The following CLCN3 variants were observed in gnomAD, a reference collection of about 807,000 sequenced individuals.
The protein encoded by CLCN3 is H(+)/Cl(-) exchange transporter 3.
Under a neutral mutation model 83.4 loss-of-function variants are expected in CLCN3, and 16 were observed. The ratio of observed to expected loss-of-function variants is 0.19; its 90% confidence interval spans 0.13 to 0.29. CLCN3 has a LOEUF of 0.29. Among genes scored for constraint, CLCN3 ranks in the 10% least tolerant of loss-of-function variants. The pLI is 1.00. For synonymous variants in CLCN3, 322 were observed against 346.2 expected, an observed-to-expected ratio of 0.93 and a Z score of 0.78; for missense variants, 544 against 1,006.0, an observed-to-expected ratio of 0.54 and a Z score of 6.21.
intron 3 of CLCN3, among the ~76,000 whole-genome samples, chr4:169,680,903 T>G (rs1422936475): frequency 2.0e-5 from 3 of 152,184 alleles, no homozygotes; most frequent in African/African-American, 7.2e-5. Flanking sequence ...TGCTGGAGTA[T>G]AGTGGTGTGA....
chr4:169,639,177 A>G (rs919758878), intron 2 of CLCN3, among the ~76,000 whole-genome samples: 9 of 152,244 alleles, frequency 5.9e-5, no homozygotes, highest in African/African-American at 2.2e-4. Context: ...CCACAGTTGC[A>G]CACCACTAGA....
intron 12 of CLCN3, among the ~76,000 whole-genome samples, chr4:169,718,713 C>G (rs1366635540): frequency 6.6e-6 from 1 of 152,188 alleles, no homozygotes. Context: ...TGTATGAAAC[C>G]TGTCCCAGTT....
chr4:169,674,641 CT>C (rs1731607567), intron 2 of CLCN3, among the ~76,000 whole-genome samples: 1 of 152,102 alleles, frequency 6.6e-6, no homozygotes, highest in Non-Finnish European at 1.5e-5. Flanking sequence ...GCCTTTAAAC[CT>C]TTGGCCAAGA....
chr4:169,713,032 A>G, intron 11 of CLCN3, 47 bp from the exon 12 acceptor site: 1 of 1,432,792 alleles, frequency 7.0e-7, no homozygotes. Flanking sequence ...TTGCCTACTT[A>G]AAAATCTATC....
chr4:169,665,476 C>G (rs2150223799), intron 2 of CLCN3, among the ~76,000 whole-genome samples: 1 of 152,202 alleles, frequency 6.6e-6, no homozygotes, highest in South Asian at 2.1e-4. Context: ...ACTATTCTTG[C>G]CATTACCTTT....
chr4:169,678,173 A>C (rs1379554395), intron 2 of CLCN3, among the ~76,000 whole-genome samples: 1 of 152,166 alleles, frequency 6.6e-6, no homozygotes. Flanking sequence ...AAAAATTACT[A>C]TTTTCAATTT....
At chr4:169,654,822 G>A (rs1201666571) in intron 2 of CLCN3, among the ~76,000 whole-genome samples, 1 of 152,134 alleles carries the variant, frequency 6.6e-6, no homozygotes, top group Non-Finnish European at 1.5e-5. Flanking sequence ...AATACATAAT[G>A]TGAAGTTTTC....
intron 3 of CLCN3, among the ~76,000 whole-genome samples, chr4:169,687,253 A>G (rs1732197192): frequency 6.6e-6 from 1 of 151,900 alleles, no homozygotes; most frequent in Admixed American, 6.6e-5. Context: ...TAGTTTGTGG[A>G]CCCTTTGCAC....
rs552991086 is a variant in CLCN3 at position 169,650,627 on chromosome 4, G to A, written c.160+14539G>A. On this transcript the variant is annotated intron_variant, in intron 2 of 12. Coordinates refer to ENST00000513761, the MANE Select transcript of CLCN3 (RefSeq NM_001829.4). ...TAACATATCACTGCTACCATTTAATGTCTGTCTGTTGGGAAAAGGTCAGAG... is the reference window on the plus strand; with the variant it reads ...TAACATATCACTGCTACCATTTAATATCTGTCTGTTGGGAAAAGGTCAGAG... Among the ~76,000 whole-genome samples the A allele has an allele frequency of 1.1e-4, 16 of 152,294 alleles. 1 individual carries two copies. The highest frequency in any genetic ancestry group is 3.9e-4 in the East Asian group (2 of 5,192).
intron 2 of CLCN3, among the ~76,000 whole-genome samples, chr4:169,666,127 T>G (rs1029811064): frequency 2.0e-5 from 3 of 152,154 alleles, no homozygotes; most frequent in African/African-American, 7.2e-5. Context: ...TTTAACATGT[T>G]GATCATGAAA....
chr4:169,646,074 T>A (rs576840976), intron 2 of CLCN3, among the ~76,000 whole-genome samples: 2 of 152,336 alleles, frequency 1.3e-5, no homozygotes, highest in African/African-American at 4.8e-5. Flanking sequence ...TTCTTATTTT[T>A]TTCTATTTCC....
chr4:169,630,874 G>A (rs1773352458), intron 1 of CLCN3, among the ~76,000 whole-genome samples: 2 of 152,182 alleles, frequency 1.3e-5, no homozygotes, highest in Non-Finnish European at 2.9e-5. Flanking sequence ...GAGCACCTAG[G>A]TTGATTCTGT....
intron 12 of CLCN3, among the ~76,000 whole-genome samples, chr4:169,714,385 T>G (rs1181215773): frequency 6.6e-6 from 1 of 152,084 alleles, no homozygotes; most frequent in Non-Finnish European, 1.5e-5. Context: ...GAAGGAAATT[T>G]GTTTATTGAA....
intron 10 of CLCN3, among the ~76,000 whole-genome samples, chr4:169,705,401 T>C (rs10520163): frequency 0.45 from 67,977 of 152,020 alleles, 17,031 homozygotes; most frequent in East Asian, 0.76. Context: ...ATATTTGAAG[T>C]TGGTCAGATT....
At chr4:169,714,513 T>C (rs937887276) in intron 12 of CLCN3, among the ~76,000 whole-genome samples, 3 of 152,162 alleles carry the variant, frequency 2.0e-5, no homozygotes, top group Non-Finnish European at 4.4e-5. Context: ...CCCAAAGTCA[T>C]GTGGTGAACA....
intron 2 of CLCN3, chr4:169,660,101 C>G (rs1041763188): frequency 2.8e-6 from 3 of 1,054,872 alleles, no homozygotes; most frequent in African/African-American, 1.7e-5. Flanking sequence ...CATTGTCATA[C>G]GTAGCAGGAC....
At chr4:169,673,145 C>T (rs1393395183) in intron 2 of CLCN3, among the ~76,000 whole-genome samples, 1 of 152,134 alleles carries the variant, frequency 6.6e-6, no homozygotes, top group African/African-American at 2.4e-5. Flanking sequence ...CTTTTCTTCT[C>T]CTTCTTTATA....
At position 169,641,099 on chromosome 4, in the gene CLCN3, A is replaced by G. The variant is rs572999464; in HGVS notation, c.160+5011A>G. ...CTATCTATACATAACTTTAAAAAAT[A>G]AAAATAAAAACAGCCTTGGAAGCTG... On this transcript the variant is annotated intron_variant, in intron 2 of 12. Coordinates refer to ENST00000513761, the MANE Select transcript of CLCN3 (RefSeq NM_001829.4). Among the ~76,000 whole-genome samples, 12 of 152,242 alleles carry G rather than the reference A, an allele frequency of 7.9e-5. 1 individual carries two copies. In the South Asian group the frequency reaches 2.5e-3, roughly 32 times the overall value.
chr4:169,693,585 C>T (rs1446343886), intron 7 of CLCN3, among the ~76,000 whole-genome samples: 1 of 152,172 alleles, frequency 6.6e-6, no homozygotes, highest in Non-Finnish European at 1.5e-5. Context: ...ACTTACATTA[C>T]TGCCCTTACG....
Sources: allele counts gnomAD v4.1 joint callset (sites outside exome capture counted in the v4.1 genomes callset), GRCh38; gene constraint gnomAD v4.1.1; transcripts MANE v1.5; gene names NCBI Gene and HGNC (gene_info 2026-07-23, HGNC 2026-07-21).